CCDC85C: variants seen among roughly 807,000 people sequenced by gnomAD.
CCDC85C encodes coiled-coil domain containing 85C, also known as coiled-coil domain-containing protein 85C.
In CCDC85C, 18 loss-of-function variants were observed where a neutral mutation model predicts 38.3. That is an observed-to-expected ratio of 0.47 (90% confidence interval 0.33 to 0.70). The LOEUF (loss-of-function observed/expected upper bound fraction) is 0.70. CCDC85C is among the 30% of genes least tolerant of loss of function. The pLI, the probability that CCDC85C is intolerant of heterozygous loss-of-function variation, is 0.03. For synonymous variants in CCDC85C, 264 were observed against 293.8 expected (o/e 0.90, Z 1.04); for missense variants, 566 against 621.2 (o/e 0.91, Z 0.94).
intron 1 of CCDC85C, among the ~76,000 whole-genome samples, chr14:99,578,813 C>G (rs1345518476): frequency 6.6e-6 from 1 of 152,186 alleles, no homozygotes; most frequent in Admixed American, 6.5e-5. Flanking sequence ...GAGCTGGCTT[C>G]TCTAAGCGCT....
Position 99,533,902 on chromosome 14 carries a change from C to T in CCDC85C, c.867+2113G>A, listed in dbSNP as rs1426650442. Among the ~76,000 whole-genome samples, 2 of 152,238 alleles carry T rather than the reference C, an allele frequency of 1.3e-5. No individual in the cohort carries two copies. The highest frequency in any genetic ancestry group is 6.5e-5 in the Admixed American group (1 of 15,280). On this transcript the variant is annotated intron_variant, in intron 2 of 5. Transcript: ENST00000380243. The surrounding 1 kb of genome is among the most constrained non-coding windows in gnomAD (Gnocchi z 4.2). Reference sequence around the variant, plus strand: ...GCTGCTCCTCCACAGCCCGCTTGGGCGCAGGTTTTCTGCAAGTCCGTGGTC... The same window carrying T: ...GCTGCTCCTCCACAGCCCGCTTGGGTGCAGGTTTTCTGCAAGTCCGTGGTC...
chr14:99,509,783 C>T lies in CCDC85C; in HGVS notation c.*5463G>A, dbSNP rs1399445830. 1 of 294,272 alleles carries T rather than the reference C, an allele frequency of 3.4e-6. No homozygotes were observed. Among genetic ancestry groups the T allele is most frequent in the South Asian group, 6.3e-5 (1 of 15,876 alleles). 18.2% of individuals were successfully genotyped at this position (294,272 alleles called of 1,614,324 possible). A position where few individuals can be genotyped will look rare whatever the true frequency, so the allele number is the denominator to read the frequency against. On this transcript the variant is annotated 3_prime_UTR_variant, in exon 6 of 6. Transcript: ENST00000380243. ...CTGCAGACAGGAGTTCAGTGTGGCC[C>T]TGACCCCTGGGGTCAGTTTCTGAAG...
intron 1 of CCDC85C, among the ~76,000 whole-genome samples, chr14:99,557,106 C>T (rs1447178326): frequency 6.6e-6 from 1 of 152,162 alleles, no homozygotes; most frequent in Non-Finnish European, 1.5e-5. Flanking sequence ...AGCACTTTAC[C>T]TCTGTTACCT....
In CCDC85C at chr14:99,603,448, CCG is replaced by C; in HGVS notation, c.510_511del (p.Gly172ArgfsTer112). ...GGAGCTGCGGGAGCCGGCGCCGCCC[CCG>C]CCGCCGCCGCCACCGCTTGCGGCCC... On this transcript the variant is annotated frameshift_variant, in exon 1 of 6. Transcript: ENST00000380243. LOFTEE classifies it high-confidence loss of function. This position sits in a 1 kb window ranked among gnomAD's most constrained non-coding sequence, Gnocchi z 7.5. 7.9e-7 allele frequency: 1 copy of C among 1,263,348 alleles called. No individual in the cohort carries two copies. The highest frequency in any genetic ancestry group is 2.8e-5 in the South Asian group (1 of 36,072). The allele number at this position is 1,263,348 out of a possible 1,614,324, so 78.3% of individuals were successfully genotyped here.
intron 1 of CCDC85C, among the ~76,000 whole-genome samples, chr14:99,553,695 G>A (rs2400686): frequency 0.53 from 80,811 of 152,054 alleles, 21,666 homozygotes; most frequent in African/African-American, 0.58. Flanking sequence ...CCTCAGCCTC[G>A]GCAGCGCCTC....
chr14:99,594,421 C>T (rs1292716109), intron 1 of CCDC85C, among the ~76,000 whole-genome samples: 1 of 152,220 alleles, frequency 6.6e-6, no homozygotes, highest in African/African-American at 2.4e-5. Context: ...CCTCAAACAG[C>T]GTTTAGACAG....
intron 1 of CCDC85C, among the ~76,000 whole-genome samples, chr14:99,567,496 G>A (rs115781770): frequency 0.017 from 2,538 of 152,270 alleles, 73 homozygotes; most frequent in African/African-American, 0.058. Context: ...CCTGGGCCAG[G>A]ACAGCCAAGG....
rs1032110862 is a variant in CCDC85C, at chr14:99,516,895, G to A, written c.1071+193C>T. Among the ~76,000 whole-genome samples, 4 of 152,118 alleles carry A rather than the reference G, an allele frequency of 2.6e-5. No homozygotes were observed. The highest frequency in any genetic ancestry group is 5.9e-5 in the Non-Finnish European group (4 of 68,012). Reference sequence around the variant, plus strand: ...TGCAGTAGCTCAGGGATGGCAGACAGGTGACACACTTATGACTGCCACCTC... The same window carrying A: ...TGCAGTAGCTCAGGGATGGCAGACAAGTGACACACTTATGACTGCCACCTC... On this transcript the variant is annotated intron_variant, in intron 4 of 5. Coordinates refer to ENST00000380243, the MANE Select transcript of CCDC85C (RefSeq NM_001144995.2). The surrounding 1 kb of genome is among the most constrained non-coding windows in gnomAD (Gnocchi z 5.5).
At chr14:99,561,049 A>G (rs1490979315) in intron 1 of CCDC85C, among the ~76,000 whole-genome samples, 1 of 152,196 alleles carries the variant, frequency 6.6e-6, no homozygotes, top group East Asian at 1.9e-4. Context: ...CTGCATTTGC[A>G]GAGAGGGCTC....
At chr14:99,567,774 T>G (rs8019226) in intron 1 of CCDC85C, among the ~76,000 whole-genome samples, 87,376 of 151,498 alleles carry the variant, frequency 0.58, 25,799 homozygotes, top group African/African-American at 0.71. Flanking sequence ...GCGGTGAGCC[T>G]AGATCGCACC....
intron 1 of CCDC85C, among the ~76,000 whole-genome samples, chr14:99,553,718 C>A (rs1595360102): frequency 6.6e-6 from 1 of 152,326 alleles, no homozygotes; most frequent in East Asian, 1.9e-4. Flanking sequence ...TAAAGGTAGG[C>A]TGTTCAATGA....
rs951666001 is a variant in CCDC85C, at chr14:99,520,687, A to G, written c.975+1446T>C. Among the ~76,000 whole-genome samples the G allele has an allele frequency of 6.6e-6, 1 of 152,102 alleles. No homozygotes were observed. The highest frequency in any genetic ancestry group is 2.4e-5 in the African/African-American group (1 of 41,416). On this transcript the variant is annotated intron_variant, in intron 3 of 5. Coordinates refer to ENST00000380243, the MANE Select transcript of CCDC85C (RefSeq NM_001144995.2). This position sits in a 1 kb window ranked among gnomAD's most constrained non-coding sequence, Gnocchi z 4.1. The stretch of plus-strand genomic sequence containing the variant: ...CCTCATGGAGGAGCGACCCCTGCAC[A>G]GCCCCCACGCTGGCCCCTGACCTCT...
At chr14:99,541,653 G>A (rs960583389) in intron 1 of CCDC85C, among the ~76,000 whole-genome samples, 41 of 152,194 alleles carry the variant, frequency 2.7e-4, no homozygotes, top group Non-Finnish European at 2.9e-5. Context: ...TAACGTCCCA[G>A]CACTGCCCAA....
At chr14:99,580,652 G>T (rs574899397) in intron 1 of CCDC85C, among the ~76,000 whole-genome samples, 1 of 152,038 alleles carries the variant, frequency 6.6e-6, no homozygotes, top group Non-Finnish European at 1.5e-5. Context: ...CTCATTTGAC[G>T]TCAGGAGTTC....
At chr14:99,581,347 G>A (rs1188066292) in intron 1 of CCDC85C, among the ~76,000 whole-genome samples, 2 of 152,188 alleles carry the variant, frequency 1.3e-5, no homozygotes, top group African/African-American at 4.8e-5. Flanking sequence ...ACCAGATGCT[G>A]GACCCCGCCT....
At chr14:99,584,081 G>A (rs923979260) in intron 1 of CCDC85C, among the ~76,000 whole-genome samples, 2 of 152,014 alleles carry the variant, frequency 1.3e-5, no homozygotes, top group Admixed American at 1.3e-4. Context: ...TTTAGAAAAG[G>A]GGGGCTCACT....
In CCDC85C at chr14:99,507,112, C is replaced by G. The variant is rs901901957; in HGVS notation, c.*8134G>C. Reference sequence around the variant, plus strand: ...CCTAAAATCCCCAAAATTGAGACCACTCATCCACCGTTGCCTCCAGCCCAC... The same window carrying G: ...CCTAAAATCCCCAAAATTGAGACCAGTCATCCACCGTTGCCTCCAGCCCAC... On this transcript the variant is annotated 3_prime_UTR_variant, in exon 6 of 6. Transcript: ENST00000380243. 3 of 1,612,528 alleles carry G rather than the reference C, an allele frequency of 1.9e-6. No individual in the cohort carries two copies. Among genetic ancestry groups the G allele is most frequent in the Non-Finnish European group, 2.5e-6 (3 of 1,178,714 alleles).
Position 99,522,120 on chromosome 14 carries a change from G to A in CCDC85C, c.975+13C>T. The A allele has an allele frequency of 6.5e-7, 1 of 1,541,242 alleles. No homozygotes were observed. Among genetic ancestry groups the A allele is most frequent in the Non-Finnish European group, 8.8e-7 (1 of 1,138,128 alleles). On this transcript the variant is annotated intron_variant, in intron 3 of 5. Coordinates refer to ENST00000380243, the MANE Select transcript of CCDC85C (RefSeq NM_001144995.2). Reference sequence around the variant, plus strand: ...ATCCAGAACATGTGGGCTTTTTTGGGGTGCACACTCACGTTCTGCAGGGAG... The same window carrying A: ...ATCCAGAACATGTGGGCTTTTTTGGAGTGCACACTCACGTTCTGCAGGGAG...
intron 1 of CCDC85C, among the ~76,000 whole-genome samples, chr14:99,560,761 TG>T (rs763188578): frequency 1.3e-5 from 2 of 152,208 alleles, no homozygotes; most frequent in Admixed American, 6.5e-5. Flanking sequence ...AGTGGCCGCC[TG>T]GGCGGAGTCG....
Sources: gnomAD v4.1 joint callset for allele counts (sites outside exome capture counted in the v4.1 genomes callset) on GRCh38, gnomAD v4.1.1 for gene constraint, Gnocchi (gnomAD v3.1) non-coding constraint, MANE v1.5 for transcripts, NCBI Gene and HGNC (gene_info 2026-07-23, HGNC 2026-07-21) for gene names.